The following APBA2 variants were observed in gnomAD, a reference collection of about 807,000 sequenced individuals.
APBA2 encodes the protein amyloid beta precursor protein binding family A member 2.
A neutral mutation model predicts 75.0 loss-of-function variants in APBA2; 30 were observed. The observed-to-expected ratio is 0.40, with a 90% CI of 0.30 to 0.54. The LOEUF (loss-of-function observed/expected upper bound fraction) is 0.54, where lower values mean the gene tolerates loss of function less well. Ranked by LOEUF, APBA2 falls within the 20% of genes least tolerant of loss-of-function variation. APBA2 has a pLI of 0.49. For synonymous variants in APBA2, 444 were observed against 409.6 expected (o/e 1.08, Z -1.01); for missense variants, 801 against 1,016.1 (o/e 0.79, Z 2.88).
At chr15:28,922,674 G>A (rs185132059) in intron 2 of APBA2, among the ~76,000 whole-genome samples, 4 of 152,174 alleles carry the variant, frequency 2.6e-5, no homozygotes, top group Admixed American at 2.6e-4. Flanking sequence ...GCCTCCCCAT[G>A]GTTTCGATCT....
chr15:29,100,217 T>A (rs1159318378), intron 9 of APBA2, among the ~76,000 whole-genome samples: 2 of 152,216 alleles, frequency 1.3e-5, no homozygotes, highest in East Asian at 3.9e-4. Context: ...CAGGCATTTA[T>A]GACAGTGACA....
intron 3 of APBA2, among the ~76,000 whole-genome samples, chr15:29,009,767 CT>C (rs2039307340): frequency 6.6e-6 from 1 of 152,204 alleles, no homozygotes; most frequent in South Asian, 2.1e-4. Flanking sequence ...CATTGACTCA[CT>C]GTTACAGAGC....
Position 29,052,461 on chromosome 15 carries a change from A to T in APBA2, c.-40-1384A>T, listed in dbSNP as rs2041645767. 2.0e-5 allele frequency among the ~76,000 whole-genome samples: 3 copies of T among 151,152 alleles called. No homozygotes were observed. The South Asian group carries it at 6.3e-4, about 32-fold the overall frequency. On this transcript the variant is annotated intron_variant, in intron 3 of 14. Coordinates refer to ENST00000683413, the MANE Select transcript of APBA2 (RefSeq NM_001353788.2). ...CAGAGCGAGACTCCATCTCAAAAAA[A>T]AAAAAAAGAAGTAGAACGTTAAGCA...
chr15:29,094,192 G>A (rs990877284), intron 7 of APBA2, 86 bp from the exon 8 acceptor site: 1 of 1,439,778 alleles, frequency 6.9e-7, no homozygotes, highest in Non-Finnish European at 9.8e-7. Flanking sequence ...TGAGAGTGGG[G>A]GCATCAACCA....
chr15:29,006,471 A>G (rs1229734193), intron 3 of APBA2, among the ~76,000 whole-genome samples: 1 of 152,388 alleles, frequency 6.6e-6, no homozygotes, highest in East Asian at 1.9e-4. Flanking sequence ...TAAGATGTCA[A>G]TACTACCTAT....
chr15:28,938,565 G>C (rs944299212), intron 2 of APBA2, among the ~76,000 whole-genome samples: 2 of 152,168 alleles, frequency 1.3e-5, no homozygotes, highest in African/African-American at 4.8e-5. Context: ...CTGGAGTGCA[G>C]GGGTGCAATC....
At position 29,014,518 on chromosome 15, in the gene APBA2, C is replaced by CA. The variant is rs965472841; in HGVS notation, c.-41+18718dup. 3.3e-5 allele frequency among the ~76,000 whole-genome samples: 5 copies of CA among 152,164 alleles called. No homozygotes were observed. The South Asian group carries it at 6.2e-4, about 19-fold the overall frequency. ...TTTAAATGAATTAAAATGAAGCAGACAAAAAATGCAGTTTCTCTATTGGAC... is the reference window on the plus strand; with the variant it reads ...TTTAAATGAATTAAAATGAAGCAGACAAAAAAATGCAGTTTCTCTATTGGAC... On this transcript the variant is annotated intron_variant, in intron 3 of 14. Transcript: ENST00000683413.
chr15:29,027,892 C>T (rs907575763), intron 3 of APBA2, among the ~76,000 whole-genome samples: 3 of 152,112 alleles, frequency 2.0e-5, no homozygotes, highest in Non-Finnish European at 2.9e-5. Context: ...CGTGAGCCAC[C>T]GTGCCCGGCC....
chr15:28,930,084 A>AG (rs1306189811), intron 2 of APBA2, among the ~76,000 whole-genome samples: 6 of 152,132 alleles, frequency 3.9e-5, no homozygotes, highest in Non-Finnish European at 7.4e-5. Context: ...GGGAGGTGGA[A>AG]GGGGGGCAAA....
At chr15:28,894,717 A>T (rs997724886) in intron 1 of APBA2, among the ~76,000 whole-genome samples, 28 of 152,320 alleles carry the variant, frequency 1.8e-4, no homozygotes, top group African/African-American at 6.7e-4. Context: ...ATAACAACGC[A>T]TAGTTTACCA....
rs567977495 is a variant in APBA2, at chr15:29,094,213, A to T, written c.1216-65A>T. ...TGGGGGCATCAACCACCAAAGTGAC[A>T]TAACCTCACGCACCTTCCTTCTCTC... On this transcript the variant is annotated intron_variant, in intron 7 of 14. Coordinates refer to ENST00000683413, the MANE Select transcript of APBA2 (RefSeq NM_001353788.2). 3.0e-5 allele frequency: 47 copies of T among 1,576,310 alleles called. No homozygotes were observed. In the South Asian group the frequency reaches 4.2e-4, roughly 14 times the overall value.
chr15:28,985,250 C>A (rs1037730658), intron 2 of APBA2, among the ~76,000 whole-genome samples: 1 of 152,174 alleles, frequency 6.6e-6, no homozygotes, highest in Non-Finnish European at 1.5e-5. Flanking sequence ...GGGGCACGGG[C>A]TCAGCATGTT....
chr15:29,073,891 G>A (rs1007151148), intron 4 of APBA2, among the ~76,000 whole-genome samples: 2 of 152,218 alleles, frequency 1.3e-5, no homozygotes, highest in African/African-American at 4.8e-5. Flanking sequence ...AGAAGCAGTT[G>A]TAGTTTGGTG....
chr15:28,886,967 C>G (rs887306744), intron 1 of APBA2, among the ~76,000 whole-genome samples: 5 of 152,214 alleles, frequency 3.3e-5, no homozygotes, highest in African/African-American at 1.2e-4. Flanking sequence ...GCCCCCGGTC[C>G]CCAAGCAGGG....
chr15:29,045,842 C>T (rs767465942), intron 3 of APBA2, among the ~76,000 whole-genome samples: 2 of 152,168 alleles, frequency 1.3e-5, no homozygotes, highest in African/African-American at 2.4e-5. Context: ...AAGTAATGTG[C>T]CCTCAGAAAC....
intron 6 of APBA2, among the ~76,000 whole-genome samples, chr15:29,088,085 G>A (rs906650597): frequency 6.6e-6 from 1 of 151,962 alleles, no homozygotes; most frequent in Non-Finnish European, 1.5e-5. Flanking sequence ...CTCCTGCCCC[G>A]GTTCCTCTGA....
intron 1 of APBA2, among the ~76,000 whole-genome samples, chr15:28,902,131 C>T (rs2032902468): frequency 6.6e-6 from 1 of 152,042 alleles, no homozygotes; most frequent in African/African-American, 2.4e-5. Context: ...CACACAGTGA[C>T]CTCTGTCCAC....
Position 29,114,803 on chromosome 15 carries a change from GGTGA to G in APBA2, c.2178+791_2178+794del, listed in dbSNP as rs1189110331. 3.4e-5 allele frequency among the ~76,000 whole-genome samples: 5 copies of G among 147,966 alleles called. No homozygotes were observed. In the East Asian group the frequency reaches 6.0e-4, roughly 18 times the overall value. On this transcript the variant is annotated intron_variant, in intron 14 of 14. Coordinates refer to ENST00000683413, the MANE Select transcript of APBA2 (RefSeq NM_001353788.2). ...GCGTGTGGAGGAGTGTGTGTGTGTG[GGTGA>G]GTGTATGCGGATGTACGTGTGTGTG...
chr15:28,919,375 C>A (rs550378096), intron 1 of APBA2: 1 of 152,268 alleles, frequency 6.6e-6, no homozygotes, highest in African/African-American at 2.4e-5. Flanking sequence ...TGAACAACCG[C>A]TGACTTCCTG....
Sources: allele counts gnomAD v4.1 joint callset (sites outside exome capture counted in the v4.1 genomes callset), GRCh38; gene constraint gnomAD v4.1.1; transcripts MANE v1.5; gene names NCBI Gene and HGNC (gene_info 2026-07-23, HGNC 2026-07-21).